The following COL25A1 variants were observed in gnomAD, a reference collection of about 807,000 sequenced individuals.
COL25A1 encodes the protein collagen type XXV alpha 1 chain.
In COL25A1, 103 loss-of-function variants were observed where a neutral mutation model predicts 128.4. That is an observed-to-expected ratio of 0.80 (90% CI 0.68 to 0.94). COL25A1 has a LOEUF of 0.94. COL25A1 is among the 40% of genes least tolerant of loss of function. The pLI, the probability that COL25A1 is intolerant of heterozygous loss-of-function variation, is 0.00. For missense variants in COL25A1, 745 were observed against 840.0 expected, an observed-to-expected ratio of 0.89 and a Z score of 1.40; for synonymous variants, 279 against 277.2, an observed-to-expected ratio of 1.01 and a Z score of -0.06.
At position 108,889,260 on chromosome 4, in the gene COL25A1, G is replaced by C; in HGVS notation, c.940-4C>G. The C allele has an allele frequency of 6.2e-7, 1 of 1,613,450 alleles. No individual in the cohort carries two copies. Among genetic ancestry groups the C allele is most frequent in the South Asian group, 1.1e-5 (1 of 91,054 alleles). ...GACCAGATTCCCCAGGTTCTCCCTG[G>C]CCAAAGAAAACCAAAGATGAAAAAC... On this transcript the variant is annotated splice_polypyrimidine_tract_variant and splice_region_variant and intron_variant, in intron 17 of 37. Coordinates refer to ENST00000399132, the MANE Select transcript of COL25A1 (RefSeq NM_198721.4).
At chr4:109,082,125 C>A (rs1021162233) in intron 3 of COL25A1, among the ~76,000 whole-genome samples, 1 of 152,146 alleles carries the variant, frequency 6.6e-6, no homozygotes, top group South Asian at 2.1e-4. Flanking sequence ...CATGTTGTAG[C>A]CTGTATCAGT....
At chr4:109,009,904 C>T (rs1377656577) in intron 6 of COL25A1, among the ~76,000 whole-genome samples, 19 of 152,110 alleles carry the variant, frequency 1.2e-4, no homozygotes, top group African/African-American at 3.6e-4. Flanking sequence ...ATCATGTCTT[C>T]GGCAGTTGTT....
chr4:109,069,988 C>A (rs1220332641), intron 3 of COL25A1, among the ~76,000 whole-genome samples: 5 of 134,954 alleles, frequency 3.7e-5, no homozygotes, highest in Non-Finnish European at 4.9e-5. Context: ...TTTTTTTAAA[C>A]CCTCTCACCT....
At chr4:109,151,330 T>A (rs1239592733) in intron 3 of COL25A1, among the ~76,000 whole-genome samples, 1 of 152,102 alleles carries the variant, frequency 6.6e-6, no homozygotes, top group Non-Finnish European at 1.5e-5. Flanking sequence ...GCTGACCATT[T>A]GGTATCTCTT....
At chr4:108,968,383 T>C (rs1313383372) in intron 8 of COL25A1, among the ~76,000 whole-genome samples, 1 of 152,198 alleles carries the variant, frequency 6.6e-6, no homozygotes, top group South Asian at 2.1e-4. Context: ...AAGATATTCC[T>C]TTAATAGCCC....
intron 5 of COL25A1, among the ~76,000 whole-genome samples, chr4:109,040,442 C>A (rs1052531889): frequency 6.6e-6 from 1 of 152,198 alleles, no homozygotes; most frequent in Non-Finnish European, 1.5e-5. Flanking sequence ...CATGAGGAAA[C>A]AATAATCATT....
intron 37 of COL25A1, among the ~76,000 whole-genome samples, chr4:108,815,679 T>C (rs1173766104): frequency 3.3e-5 from 5 of 152,198 alleles, no homozygotes; most frequent in African/African-American, 1.2e-4. Context: ...TTTCTAATCG[T>C]ATTCATATTA....
chr4:109,183,082 C>A (rs1774816293), intron 3 of COL25A1, among the ~76,000 whole-genome samples: 1 of 151,942 alleles, frequency 6.6e-6, no homozygotes, highest in East Asian at 1.9e-4. Context: ...TACATGCAAC[C>A]CTTAGAACTA....
rs561325298 is a variant in COL25A1 at position 109,084,632 on chromosome 4, A to T, written c.368-34453T>A. Among the ~76,000 whole-genome samples the T allele has an allele frequency of 5.3e-5, 8 of 152,336 alleles. 1 individual carries two copies. In the South Asian group the frequency reaches 1.7e-3, roughly 32 times the overall value. On this transcript the variant is annotated intron_variant, in intron 3 of 37. Coordinates refer to ENST00000399132, the MANE Select transcript of COL25A1 (RefSeq NM_198721.4). ...AATTTATTCTTGTATGTTATTATACAAGCAATGCTATAGCAAGAACCACAC... is the reference window on the plus strand; with the variant it reads ...AATTTATTCTTGTATGTTATTATACTAGCAATGCTATAGCAAGAACCACAC...
chr4:109,083,551 C>T (rs1474795740), intron 3 of COL25A1, among the ~76,000 whole-genome samples: 1 of 148,392 alleles, frequency 6.7e-6, no homozygotes, highest in African/African-American at 2.5e-5. Context: ...CAAGCTCCGC[C>T]TCCCGGGTTC....
chr4:108,834,274 A>G (rs1733513366), intron 31 of COL25A1: 2 of 1,358,496 alleles, frequency 1.5e-6, no homozygotes, highest in South Asian at 1.3e-5. Flanking sequence ...TGATGAGAGG[A>G]CATGGAGCAA....
rs906019371 is a variant in COL25A1 at position 109,214,815 on chromosome 4, C to A, written c.367+85768G>T. Among the ~76,000 whole-genome samples the A allele has an allele frequency of 4.6e-5, 7 of 152,236 alleles. No individual in the cohort carries two copies. In the East Asian group the frequency reaches 1.4e-3, roughly 29 times the overall value. On this transcript the variant is annotated intron_variant, in intron 3 of 37. Transcript: ENST00000399132. ...GATGCCAAAAGGACCTGAGGAAGTG[C>A]TCTGTGAAAGCCATGGTTACCCTTT...
chr4:109,105,375 G>A (rs1352470594), intron 3 of COL25A1, among the ~76,000 whole-genome samples: 2 of 152,150 alleles, frequency 1.3e-5, no homozygotes, highest in Non-Finnish European at 2.9e-5. Context: ...TCAGGAGGCT[G>A]AGGCAGGAGA....
chr4:109,273,008 T>C (rs1447040829), intron 3 of COL25A1, among the ~76,000 whole-genome samples: 1 of 152,142 alleles, frequency 6.6e-6, no homozygotes, highest in African/African-American at 2.4e-5. Context: ...AAGCATTATA[T>C]AACATTTGCA....
intron 3 of COL25A1, among the ~76,000 whole-genome samples, chr4:109,287,488 T>C (rs1724004286): frequency 6.6e-6 from 1 of 152,216 alleles, no homozygotes; most frequent in Admixed American, 6.5e-5. Flanking sequence ...ATCCACAATA[T>C]ATCATTTTTA....
chr4:109,122,155 T>C (rs1768159464), intron 3 of COL25A1, among the ~76,000 whole-genome samples: 1 of 151,944 alleles, frequency 6.6e-6, no homozygotes, highest in Non-Finnish European at 1.5e-5. Context: ...GCACAGAGGA[T>C]TTTAGGATGG....
intron 13 of COL25A1, among the ~76,000 whole-genome samples, chr4:108,917,144 C>A (rs1249658405): frequency 2.6e-5 from 4 of 152,078 alleles, no homozygotes; most frequent in African/African-American, 7.2e-5. Flanking sequence ...AAGGACTTTG[C>A]CAAAATTCAC....
rs544886272 is a variant in COL25A1, at chr4:108,926,209, T to A, written c.709-5605A>T. Among the ~76,000 whole-genome samples, 3 of 152,174 alleles carry A rather than the reference T, an allele frequency of 2.0e-5. No individual in the cohort carries two copies. In the South Asian group the frequency reaches 6.2e-4, roughly 32 times the overall value. On this transcript the variant is annotated intron_variant, in intron 11 of 37. Coordinates refer to ENST00000399132, the MANE Select transcript of COL25A1 (RefSeq NM_198721.4). ...GTGCTTTAGGATGCCTCTTGGGACATGTTTTAAGGCAAGTTCTGGTTGCCT... is the reference window on the plus strand; with the variant it reads ...GTGCTTTAGGATGCCTCTTGGGACAAGTTTTAAGGCAAGTTCTGGTTGCCT...
intron 3 of COL25A1, among the ~76,000 whole-genome samples, chr4:109,105,659 A>C (rs942008284): frequency 2.0e-5 from 3 of 152,222 alleles, no homozygotes; most frequent in African/African-American, 7.2e-5. Flanking sequence ...AAGTGGATAA[A>C]TAAGGCTTCA....
Sources: gnomAD v4.1 joint callset for allele counts (sites outside exome capture counted in the v4.1 genomes callset) on GRCh38, gnomAD v4.1.1 for gene constraint, MANE v1.5 for transcripts, NCBI Gene and HGNC (gene_info 2026-07-23, HGNC 2026-07-21) for gene names.